PTPRT: variants seen among roughly 807,000 people sequenced by gnomAD.
PTPRT encodes the protein protein tyrosine phosphatase receptor type T.
PTPRT carries 56 observed loss-of-function variants against 176.8 expected under a neutral mutation model. The ratio of observed to expected loss-of-function variants is 0.32; its 90% confidence interval spans 0.26 to 0.40. The LOEUF is 0.40. Ranked by LOEUF, PTPRT falls within the 10% of genes least tolerant of loss-of-function variation. PTPRT has a pLI of 1.00. For synonymous variants in PTPRT, 783 were observed against 739.0 expected, an observed-to-expected ratio of 1.06 and a Z score of -0.96; for missense variants, 1,540 against 1,908.2, an observed-to-expected ratio of 0.81 and a Z score of 3.60.
intron 7 of PTPRT, among the ~76,000 whole-genome samples, chr20:42,544,478 G>A (rs1159768892): frequency 9.2e-5 from 14 of 152,150 alleles, no homozygotes; most frequent in South Asian, 2.1e-4. Context: ...GGAATGCTGC[G>A]GCTGGTTTGA....
chr20:42,454,527 A>G (rs980851922), intron 8 of PTPRT, among the ~76,000 whole-genome samples: 1 of 152,086 alleles, frequency 6.6e-6, no homozygotes, highest in African/African-American at 2.4e-5. Context: ...AAAATTCTAG[A>G]CCATCTAGTA....
At chr20:42,637,776 TAAAGA>T (rs1051905194) in intron 7 of PTPRT, among the ~76,000 whole-genome samples, 6 of 152,058 alleles carry the variant, frequency 3.9e-5, no homozygotes, top group African/African-American at 1.4e-4. Flanking sequence ...ACAAATTTGT[TAAAGA>T]AAAGGATGAA....
At chr20:42,605,317 G>A (rs930544153) in intron 7 of PTPRT, among the ~76,000 whole-genome samples, 2 of 144,406 alleles carry the variant, frequency 1.4e-5, no homozygotes, top group Non-Finnish European at 3.0e-5. Flanking sequence ...TTAGGGGCAG[G>A]CAAAGAGATT....
At chr20:42,212,664 G>C (rs146888565) in intron 15 of PTPRT, among the ~76,000 whole-genome samples, 4 of 152,126 alleles carry the variant, frequency 2.6e-5, no homozygotes, top group South Asian at 4.1e-4. Context: ...ACACGGATTA[G>C]AGTAGTACTT....
intron 9 of PTPRT, among the ~76,000 whole-genome samples, chr20:42,383,908 G>T (rs1044907091): frequency 9.2e-5 from 14 of 152,230 alleles, no homozygotes; most frequent in Non-Finnish European, 1.9e-4. Context: ...GCTAGGTGAT[G>T]TTGGTTGCAT....
intron 7 of PTPRT, among the ~76,000 whole-genome samples, chr20:42,634,743 A>G (rs6030388): frequency 0.13 from 19,124 of 152,120 alleles, 1,284 homozygotes; most frequent in South Asian, 0.15. Context: ...AGAGATGAAA[A>G]AGATGAGTTT....
intron 1 of PTPRT, among the ~76,000 whole-genome samples, chr20:43,180,813 T>C (rs1421507806): frequency 6.6e-6 from 1 of 152,182 alleles, no homozygotes; most frequent in African/African-American, 2.4e-5. Flanking sequence ...TGCCCTATTA[T>C]ATATTCTAAT....
In PTPRT at chr20:42,151,647, C is replaced by T. The variant is rs138502521; in HGVS notation, c.2683-9645G>A. Among the ~76,000 whole-genome samples the T allele has an allele frequency of 2.8e-3, 421 of 152,264 alleles. 2 individuals are homozygous for T. The highest frequency in any genetic ancestry group is 9.7e-3 in the African/African-American group (404 of 41,540). On this transcript the variant is annotated intron_variant, in intron 17 of 30. Transcript: ENST00000373187. The stretch of plus-strand genomic sequence containing the variant: ...CTTTATAGTAGAATTATTTATAATG[C>T]TTTGGGTATATACCCAGTAATGGGA...
chr20:42,851,320 G>A (rs926951921), intron 2 of PTPRT, among the ~76,000 whole-genome samples: 9 of 152,062 alleles, frequency 5.9e-5, no homozygotes, highest in African/African-American at 2.2e-4. Flanking sequence ...GACTCACAAG[G>A]CTCCTTTCTG....
chr20:42,505,267 G>T (rs2071823743), intron 7 of PTPRT, among the ~76,000 whole-genome samples: 1 of 151,970 alleles, frequency 6.6e-6, no homozygotes, highest in East Asian at 1.9e-4. Context: ...CAACCCTCTG[G>T]ACCAGAATAA....
chr20:42,965,820 G>A (rs1209995000), intron 1 of PTPRT, among the ~76,000 whole-genome samples: 1 of 152,174 alleles, frequency 6.6e-6, no homozygotes, highest in African/African-American at 2.4e-5. Flanking sequence ...TTTCTTTGGG[G>A]ACAGTGGAGA....
chr20:42,049,009 TGG>T, the PTPRT span, among the ~76,000 whole-genome samples: 2 of 152,078 alleles, frequency 1.3e-5, no homozygotes, highest in African/African-American at 4.8e-5. Flanking sequence ...TTAGTAGAGA[TGG>T]GGTTTCACCA....
At chr20:42,974,455 ATACCT>A (rs1421724350) in intron 1 of PTPRT, among the ~76,000 whole-genome samples, 10 of 152,112 alleles carry the variant, frequency 6.6e-5, no homozygotes, top group Non-Finnish European at 1.5e-4. Context: ...TAAACGCATC[ATACCT>A]CAGTGCACGC....
intron 9 of PTPRT, among the ~76,000 whole-genome samples, chr20:42,439,639 G>T (rs994066169): frequency 1.5e-4 from 23 of 152,182 alleles, no homozygotes; most frequent in African/African-American, 5.5e-4. Context: ...TATTTAGAAG[G>T]TGTTTAGCTA....
intron 16 of PTPRT, among the ~76,000 whole-genome samples, chr20:42,189,144 T>C (rs1990895189): frequency 1.3e-5 from 2 of 151,990 alleles, no homozygotes; most frequent in Non-Finnish European, 2.9e-5. Context: ...CCATACATTC[T>C]TGACACAGAG....
chr20:42,469,120 C>G (rs1178059960), intron 8 of PTPRT, among the ~76,000 whole-genome samples: 2 of 151,966 alleles, frequency 1.3e-5, no homozygotes, highest in South Asian at 2.1e-4. Flanking sequence ...AATATAGTAC[C>G]TTATAACATG....
At chr20:42,096,368 C>T (rs922675861) in intron 27 of PTPRT, among the ~76,000 whole-genome samples, 3 of 152,090 alleles carry the variant, frequency 2.0e-5, no homozygotes, top group Middle Eastern at 3.4e-3. Context: ...TTCAGGAGGC[C>T]GAGGCAGGGG....
intron 9 of PTPRT, among the ~76,000 whole-genome samples, chr20:42,424,348 G>A (rs2059145011): frequency 6.6e-6 from 1 of 152,122 alleles, no homozygotes; most frequent in Non-Finnish European, 1.5e-5. Flanking sequence ...GTTACTCCAA[G>A]GGCATTGTTA....
intron 1 of PTPRT, among the ~76,000 whole-genome samples, chr20:42,958,150 G>A: frequency 8.5e-6 from 1 of 118,220 alleles, no homozygotes; most frequent in Admixed American, 8.4e-5. Flanking sequence ...GAGAGGCTAG[G>A]CAGGTTAGGA....
Sources: allele counts gnomAD v4.1 joint callset (sites outside exome capture counted in the v4.1 genomes callset), GRCh38; gene constraint gnomAD v4.1.1; transcripts MANE v1.5; gene names NCBI Gene and HGNC (gene_info 2026-07-23, HGNC 2026-07-21).